Variants in LRRC37A2 observed in about 807,000 individuals in gnomAD.
The protein encoded by LRRC37A2 is leucine rich repeat containing 37 member A2.
Under a neutral mutation model 68.8 loss-of-function variants are expected in LRRC37A2, and 9 were observed. The observed-to-expected ratio is 0.13, with a 90% CI of 0.08 to 0.23. LRRC37A2 has a LOEUF of 0.23. Ranked by LOEUF, LRRC37A2 falls within the 10% of genes least tolerant of loss-of-function variation. LRRC37A2 has a pLI of 1.00. For missense variants in LRRC37A2, 168 were observed against 950.4 expected, an observed-to-expected ratio of 0.18 and a Z score of 10.82; for synonymous variants, 63 against 367.6, an observed-to-expected ratio of 0.17 and a Z score of 9.48.
the LRRC37A2 span, among the ~76,000 whole-genome samples, chr17:46,902,494 T>C: frequency 1.9e-4 from 26 of 135,474 alleles, no homozygotes; most frequent in Non-Finnish European, 3.5e-4. Flanking sequence ...GTGTGTAAGA[T>C]AGAGACAGAG....
the LRRC37A2 span, among the ~76,000 whole-genome samples, chr17:46,950,850 G>T: frequency 6.6e-6 from 1 of 152,192 alleles, no homozygotes; most frequent in Admixed American, 6.5e-5. Flanking sequence ...TGGTCTTGGG[G>T]ACCACCAAGC....
the LRRC37A2 span, among the ~76,000 whole-genome samples, chr17:46,811,839 C>T: frequency 1.3e-5 from 2 of 152,154 alleles, no homozygotes; most frequent in Non-Finnish European, 2.9e-5. Flanking sequence ...CACCTGTAAT[C>T]CCAGCTACTC....
chr17:46,805,567 TCTGTC>T, the LRRC37A2 span, among the ~76,000 whole-genome samples: 23 of 152,108 alleles, frequency 1.5e-4, no homozygotes, highest in African/African-American at 5.3e-4. Context: ...GAGTGAAAAC[TCTGTC>T]TCAAAAATAA....
At chr17:46,783,345 C>T in the LRRC37A2 span, among the ~76,000 whole-genome samples, 20 of 152,228 alleles carry the variant, frequency 1.3e-4, no homozygotes, top group Non-Finnish European at 2.1e-4. Context: ...CTTCAGAGAG[C>T]AGGTTGAAGT....
chr17:47,013,707 C>A, the LRRC37A2 span, among the ~76,000 whole-genome samples: 1 of 152,180 alleles, frequency 6.6e-6, no homozygotes, highest in Non-Finnish European at 1.5e-5. Flanking sequence ...GAAAAAGATT[C>A]TGAATTGATC....
chr17:46,948,219 G>A, the LRRC37A2 span, among the ~76,000 whole-genome samples: 1 of 152,212 alleles, frequency 6.6e-6, no homozygotes, highest in South Asian at 2.1e-4. Context: ...TTTTGGAGAT[G>A]AATAATGCCC....
the LRRC37A2 span, chr17:46,721,794 C>T: frequency 2.1e-5 from 34 of 1,602,356 alleles, no homozygotes; most frequent in Non-Finnish European, 2.6e-5. Flanking sequence ...GCATCGTGCA[C>T]AGCTGTCAGA....
chr17:46,638,948 C>T, the LRRC37A2 span, among the ~76,000 whole-genome samples: 1 of 32,392 alleles, frequency 3.1e-5, no homozygotes, highest in Non-Finnish European at 5.1e-5. Flanking sequence ...TTAGACACTG[C>T]AGATCGGCAG....
the LRRC37A2 span, chr17:46,886,676 G>A: frequency 6.6e-6 from 1 of 152,174 alleles, no homozygotes; most frequent in Admixed American, 6.5e-5. Flanking sequence ...AATAAGCTGT[G>A]GTTCGGAGGG....
the LRRC37A2 span, among the ~76,000 whole-genome samples, chr17:46,500,490 T>A: frequency 6.7e-6 from 1 of 149,820 alleles, no homozygotes; most frequent in East Asian, 2.0e-4. Context: ...ATTTACCAGA[T>A]GATTTTTGTG....
At chr17:46,774,376 T>C in the LRRC37A2 span, among the ~76,000 whole-genome samples, 8 of 152,108 alleles carry the variant, frequency 5.3e-5, no homozygotes, top group Admixed American at 6.5e-5. Flanking sequence ...ACACACACAC[T>C]ACCCTTGGCA....
chr17:46,865,054 G>T, the LRRC37A2 span, among the ~76,000 whole-genome samples: 1 of 152,190 alleles, frequency 6.6e-6, no homozygotes, highest in Admixed American at 6.5e-5. Context: ...TTGCAGGAAT[G>T]ACTTTGGGGA....
At chr17:46,810,591 T>C in the LRRC37A2 span, among the ~76,000 whole-genome samples, 1 of 152,126 alleles carries the variant, frequency 6.6e-6, no homozygotes, top group African/African-American at 2.4e-5. Flanking sequence ...ATGAGAAAAC[T>C]GAGGGAGGGA....
the LRRC37A2 span, chr17:46,885,074 C>A: frequency 9.3e-5 from 41 of 441,402 alleles, 1 homozygote; most frequent in South Asian, 6.4e-4. Flanking sequence ...TCACAACCTC[C>A]ACCTCCCGGA....
At chr17:46,770,687 G>A in the LRRC37A2 span, among the ~76,000 whole-genome samples, 1 of 152,170 alleles carries the variant, frequency 6.6e-6, no homozygotes, top group South Asian at 2.1e-4. Context: ...CTGCCCTCAC[G>A]CCCAGGCACG....
chr17:46,783,439 C>T, the LRRC37A2 span, among the ~76,000 whole-genome samples: 1 of 152,210 alleles, frequency 6.6e-6, no homozygotes, highest in Non-Finnish European at 1.5e-5. Context: ...GGCAGGGTTC[C>T]AGGTTCTGGG....
At chr17:46,750,362 A>G in the LRRC37A2 span, among the ~76,000 whole-genome samples, 1 of 152,180 alleles carries the variant, frequency 6.6e-6, no homozygotes, top group Non-Finnish European at 1.5e-5. Context: ...ACAACAAAAA[A>G]TGCCTAGGAC....
the LRRC37A2 span, among the ~76,000 whole-genome samples, chr17:46,974,316 C>T: frequency 1.3e-5 from 2 of 152,226 alleles, no homozygotes; most frequent in African/African-American, 2.4e-5. Flanking sequence ...AGGAGATTTA[C>T]AATAGACACC....
At chr17:46,755,396 A>G in the LRRC37A2 span, 2 of 1,588,850 alleles carry the variant, frequency 1.3e-6, no homozygotes, top group East Asian at 2.2e-5. Flanking sequence ...TTTAATGACC[A>G]TCAACCAAAC....
Sources: gnomAD v4.1 joint callset for allele counts (sites outside exome capture counted in the v4.1 genomes callset) on GRCh38, gnomAD v4.1.1 for gene constraint, MANE v1.5 for transcripts, NCBI Gene and HGNC (gene_info 2026-07-23, HGNC 2026-07-21) for gene names.